Variants in MAGI1 observed in about 807,000 individuals in gnomAD.
The protein encoded by MAGI1 is membrane associated guanylate kinase, WW and PDZ domain containing 1.
MAGI1 carries 58 observed loss-of-function variants against 139.9 expected under a neutral mutation model. The observed-to-expected ratio is 0.41, with a 90% CI of 0.34 to 0.52. The LOEUF is 0.52. Ranked by LOEUF, MAGI1 falls within the 20% of genes least tolerant of loss-of-function variation. The probability of loss-of-function intolerance (pLI) is 0.12; values close to 1 mark genes in which losing one functional copy is unlikely to be tolerated. For synonymous variants in MAGI1, 812 were observed against 737.9 expected (o/e 1.10, Z -1.63); for missense variants, 1,874 against 1,901.6 (o/e 0.99, Z 0.27).
At chr3:65,700,994 A>G (rs896294425) in intron 1 of MAGI1, among the ~76,000 whole-genome samples, 1 of 152,196 alleles carries the variant, frequency 6.6e-6, no homozygotes, top group Non-Finnish European at 1.5e-5. Flanking sequence ...CCTTTTTAAC[A>G]CAATGCGGCC....
chr3:65,597,520 T>G (rs927431533), intron 2 of MAGI1, among the ~76,000 whole-genome samples: 77 of 151,126 alleles, frequency 5.1e-4, no homozygotes, highest in African/African-American at 4.6e-4. Context: ...TCCCCCTTCC[T>G]CCCAGCCTGG....
At chr3:65,608,836 C>G (rs1380888521) in intron 2 of MAGI1, among the ~76,000 whole-genome samples, 5 of 152,056 alleles carry the variant, frequency 3.3e-5, no homozygotes, top group Admixed American at 6.5e-5. Context: ...TAGCTAAAAA[C>G]TGGAAACAAA....
At chr3:65,748,554 C>G (rs749128363) in intron 1 of MAGI1, among the ~76,000 whole-genome samples, 7 of 152,220 alleles carry the variant, frequency 4.6e-5, no homozygotes, top group Non-Finnish European at 8.8e-5. Context: ...TATTGCAACA[C>G]AGTGAGGGGC....
intron 2 of MAGI1, among the ~76,000 whole-genome samples, chr3:65,598,651 C>G (rs1317777778): frequency 2.0e-5 from 3 of 152,198 alleles, no homozygotes; most frequent in Non-Finnish European, 4.4e-5. Context: ...AAGGTACAAT[C>G]TGACTCAGAA....
intron 1 of MAGI1, among the ~76,000 whole-genome samples, chr3:65,703,769 G>A (rs983209130): frequency 6.6e-6 from 1 of 152,168 alleles, no homozygotes; most frequent in Non-Finnish European, 1.5e-5. Flanking sequence ...AGGAGGGAGA[G>A]TGCCATTGTA....
At chr3:65,593,920 A>G (rs992542042) in intron 2 of MAGI1, among the ~76,000 whole-genome samples, 9 of 152,212 alleles carry the variant, frequency 5.9e-5, no homozygotes, top group African/African-American at 2.2e-4. Flanking sequence ...TTCAGGTCAG[A>G]TAATCATTTA....
chr3:65,400,156 A>C (rs1007259248), intron 13 of MAGI1, among the ~76,000 whole-genome samples: 1 of 152,184 alleles, frequency 6.6e-6, no homozygotes, highest in Non-Finnish European at 1.5e-5. Context: ...ACACTTTGGC[A>C]TCTTTGTGGT....
intron 14 of MAGI1, among the ~76,000 whole-genome samples, chr3:65,389,550 C>T (rs529168392): frequency 3.3e-5 from 5 of 152,220 alleles, no homozygotes; most frequent in East Asian, 3.9e-4. Context: ...GAGAAATGCG[C>T]GGGGAATGTG....
chr3:65,922,587 C>T (rs1262412992), intron 1 of MAGI1, among the ~76,000 whole-genome samples: 5 of 152,170 alleles, frequency 3.3e-5, no homozygotes, highest in African/African-American at 4.8e-5. Flanking sequence ...GGAAGCAAGG[C>T]CCTGCTTGAC....
intron 1 of MAGI1, among the ~76,000 whole-genome samples, chr3:65,730,306 T>C (rs2034056700): frequency 6.6e-6 from 1 of 152,118 alleles, no homozygotes; most frequent in Admixed American, 6.5e-5. Flanking sequence ...TAAAAAAAAA[T>C]GGCTTCCACC....
At chr3:65,475,906 G>A (rs1221581646) in intron 4 of MAGI1, among the ~76,000 whole-genome samples, 1 of 151,950 alleles carries the variant, frequency 6.6e-6, no homozygotes, top group African/African-American at 2.4e-5. Context: ...GCAAAAGGCA[G>A]CTAAGATAGA....
chr3:65,423,306 T>A (rs571013990), intron 12 of MAGI1, among the ~76,000 whole-genome samples: 1 of 152,304 alleles, frequency 6.6e-6, no homozygotes, highest in African/African-American at 2.4e-5. Context: ...GGTTTAACTC[T>A]CTGTGCATGG....
intron 1 of MAGI1, among the ~76,000 whole-genome samples, chr3:65,987,173 A>G (rs924620946): frequency 6.6e-6 from 1 of 152,038 alleles, no homozygotes; most frequent in Non-Finnish European, 1.5e-5. Flanking sequence ...TGGCCTAAAG[A>G]AGGGATTTTA....
At chr3:65,469,311 TA>T (rs1201894636) in intron 5 of MAGI1, among the ~76,000 whole-genome samples, 7 of 152,146 alleles carry the variant, frequency 4.6e-5, no homozygotes, top group Non-Finnish European at 1.0e-4. Context: ...GAATCTGTGG[TA>T]TTTTTTTTAA....
rs554612526 is a variant in MAGI1 at position 65,640,891 on chromosome 3, T to C, written c.314-18803A>G. Among the ~76,000 whole-genome samples, 3 of 152,298 alleles carry C rather than the reference T, an allele frequency of 2.0e-5. No homozygotes were observed. The East Asian group carries it at 5.8e-4, about 29-fold the overall frequency. On this transcript the variant is annotated intron_variant, in intron 1 of 22. Coordinates refer to ENST00000402939, the MANE Select transcript of MAGI1 (RefSeq NM_001033057.2). ...CAGAAGGAGATCAAACGTTTGTCACTGAAACAAACTGAAATAGGTCCACAC... is the reference window on the plus strand; with the variant it reads ...CAGAAGGAGATCAAACGTTTGTCACCGAAACAAACTGAAATAGGTCCACAC...
At chr3:65,594,160 A>G (rs1399856435) in intron 2 of MAGI1, among the ~76,000 whole-genome samples, 1 of 152,214 alleles carries the variant, frequency 6.6e-6, no homozygotes, top group African/African-American at 2.4e-5. Context: ...ACTGTATTTG[A>G]AAAAACAAAA....
chr3:65,418,795 A>C (rs889925868), intron 12 of MAGI1, among the ~76,000 whole-genome samples: 2 of 150,100 alleles, frequency 1.3e-5, no homozygotes, highest in Non-Finnish European at 1.5e-5. Flanking sequence ...TCCCTATCCC[A>C]CCTCCTCCCC....
chr3:65,415,221 C>G (rs2107230010), intron 12 of MAGI1, among the ~76,000 whole-genome samples: 1 of 152,280 alleles, frequency 6.6e-6, no homozygotes, highest in African/African-American at 2.4e-5. Context: ...TTTTCACCTT[C>G]CCTAACCTTT....
At chr3:65,469,694 A>C (rs1202439863) in intron 5 of MAGI1, 1 of 151,926 alleles carries the variant, frequency 6.6e-6, no homozygotes, top group Non-Finnish European at 1.5e-5. Flanking sequence ...CAGCAAAAGC[A>C]CAATTGACTA....
Sources: allele counts gnomAD v4.1 joint callset (sites outside exome capture counted in the v4.1 genomes callset), GRCh38; gene constraint gnomAD v4.1.1; transcripts MANE v1.5; gene names NCBI Gene and HGNC (gene_info 2026-07-23, HGNC 2026-07-21).